RASGRF2: variants seen among roughly 807,000 people sequenced by gnomAD.
RASGRF2 encodes the protein ras-specific guanine nucleotide-releasing factor 2.
RASGRF2 carries 76 observed loss-of-function variants against 151.0 expected under a neutral mutation model. That is an observed-to-expected ratio of 0.50 (90% CI 0.42 to 0.61). The LOEUF (loss-of-function observed/expected upper bound fraction) is 0.61. Among genes scored for constraint, RASGRF2 ranks in the 20% least tolerant of loss-of-function variants. RASGRF2 has a pLI of 0.00. For missense variants in RASGRF2, 1,148 were observed against 1,564.6 expected, an observed-to-expected ratio of 0.73 and a Z score of 4.49; for synonymous variants, 504 against 566.5, an observed-to-expected ratio of 0.89 and a Z score of 1.57.
intron 1 of RASGRF2, among the ~76,000 whole-genome samples, chr5:80,978,655 C>T (rs913937872): frequency 2.0e-5 from 3 of 152,006 alleles, no homozygotes; most frequent in African/African-American, 4.8e-5. Context: ...GGCGCGATGG[C>T]GGGTGCCTGT....
In RASGRF2 at chr5:81,227,650, C is replaced by T. The variant is rs1194936925; in HGVS notation, c.*1880C>T. ...TAATATGTATCAGTTGCACCAAACACCTCAAGGTCTTGCAGAAGAAAAGTA... is the reference window on the plus strand; with the variant it reads ...TAATATGTATCAGTTGCACCAAACATCTCAAGGTCTTGCAGAAGAAAAGTA... On this transcript the variant is annotated 3_prime_UTR_variant, in exon 27 of 27. Transcript: ENST00000265080. The T allele has an allele frequency of 6.6e-6, 1 of 152,170 alleles. No individual in the cohort carries two copies. Among genetic ancestry groups the T allele is most frequent in the Non-Finnish European group, 1.5e-5 (1 of 68,046 alleles). The allele number at this position is 152,170 out of a possible 1,614,324, so 9.4% of individuals were successfully genotyped here. A position where few individuals can be genotyped will look rare whatever the true frequency, so the allele number is the denominator to read the frequency against.
intron 23 of RASGRF2, among the ~76,000 whole-genome samples, chr5:81,215,607 C>T (rs985209685): frequency 3.9e-5 from 6 of 152,120 alleles, no homozygotes; most frequent in East Asian, 1.9e-4. Flanking sequence ...GTTTTCTATC[C>T]GTTGCAGTGT....
At chr5:81,100,876 A>G (rs1319934623) in intron 12 of RASGRF2, among the ~76,000 whole-genome samples, 1 of 152,252 alleles carries the variant, frequency 6.6e-6, no homozygotes, top group Non-Finnish European at 1.5e-5. Context: ...CTTTCTTCCC[A>G]GTACTTAGAA....
rs1554042608 is a variant in RASGRF2 at position 81,209,707 on chromosome 5, CAG to C, written c.3156+1270_3156+1271del. On this transcript the variant is annotated intron_variant, in intron 22 of 26. Coordinates refer to ENST00000265080, the MANE Select transcript of RASGRF2 (RefSeq NM_006909.3). ...CTCTGTTACCTGTGGTGAACCAACA[CAG>C]GGGATATAATGGACACTCAAAGAGA... Among the ~76,000 whole-genome samples, 52 of 152,196 alleles carry C rather than the reference CAG, an allele frequency of 3.4e-4. 1 individual carries two copies. Among genetic ancestry groups the C allele is most frequent in the Admixed American group, 3.4e-3 (52 of 15,280 alleles).
At chr5:81,219,883 A>G (rs1580416689) in intron 26 of RASGRF2, 105 bp downstream of exon 26, 1 of 767,374 alleles carries the variant, frequency 1.3e-6, no homozygotes, top group East Asian at 3.0e-5. Flanking sequence ...GCTAGCTCAT[A>G]GAAAAGACCA....
In RASGRF2 at chr5:81,201,548, A is replaced by G. The variant is rs78983864; in HGVS notation, c.2906+106A>G. The stretch of plus-strand genomic sequence containing the variant: ...TAGAATCCTGGGGACAGTGGGGACT[A>G]TGTTCTCAGCAGTAAAGTGTTATGT... On this transcript the variant is annotated intron_variant, in intron 19 of 26. Coordinates refer to ENST00000265080, the MANE Select transcript of RASGRF2 (RefSeq NM_006909.3). The G allele has an allele frequency of 7.4e-3, 9,126 of 1,235,362 alleles. 57 individuals are homozygous for G. Among genetic ancestry groups the G allele is most frequent in the African/African-American group, 0.017 (1,106 of 65,900 alleles). 76.5% of individuals were successfully genotyped at this position (1,235,362 alleles called of 1,614,324 possible). A position where few individuals can be genotyped will look rare whatever the true frequency, so the allele number is the denominator to read the frequency against.
intron 1 of RASGRF2, among the ~76,000 whole-genome samples, chr5:81,032,212 C>G (rs561092042): frequency 6.6e-6 from 1 of 152,244 alleles, no homozygotes; most frequent in South Asian, 2.1e-4. Flanking sequence ...CCGAATTCTA[C>G]CAGAGGTACA....
chr5:81,032,774 A>T (rs1280085146), intron 1 of RASGRF2, among the ~76,000 whole-genome samples: 2 of 152,110 alleles, frequency 1.3e-5, no homozygotes, highest in African/African-American at 4.8e-5. Context: ...CCTATTCAAC[A>T]TAGTGTTGGA....
chr5:81,093,418 GT>G lies in RASGRF2; in HGVS notation c.1551+465del, dbSNP rs551246351. 3.8e-3 allele frequency among the ~76,000 whole-genome samples: 582 copies of G among 151,882 alleles called. 4 individuals are homozygous for G. The highest frequency in any genetic ancestry group is 0.014 in the African/African-American group (564 of 41,430). On this transcript the variant is annotated intron_variant, in intron 10 of 26. Transcript: ENST00000265080. ...TTGTTAATAAAATTTTTTGTTTTGT[GT>G]TTTTTTTGTTGAGATAGGATCTCAC... is the stretch of plus-strand genomic sequence containing the variant.
chr5:81,094,250 T>C (rs372322259), intron 10 of RASGRF2, 46 bp from the exon 11 acceptor site: 15 of 1,493,278 alleles, frequency 1.0e-5, no homozygotes, highest in Non-Finnish European at 1.4e-5. Context: ...CTTCCCAATC[T>C]ACACAAGACC....
chr5:81,013,595 TTATA>T (rs149298620), intron 1 of RASGRF2, among the ~76,000 whole-genome samples: 3 of 148,904 alleles, frequency 2.0e-5, no homozygotes, highest in African/African-American at 2.5e-5. Flanking sequence ...AATATATTTG[TTATA>T]TATATATATA....
intron 1 of RASGRF2, among the ~76,000 whole-genome samples, chr5:80,982,428 C>T (rs1018362586): frequency 1.8e-5 from 2 of 112,090 alleles, no homozygotes; most frequent in Non-Finnish European, 3.9e-5. Context: ...ATGAAAGAGC[C>T]ATGTTTAACC....
At chr5:81,222,520 T>C (rs567184431) in intron 26 of RASGRF2, among the ~76,000 whole-genome samples, 81 of 152,318 alleles carry the variant, frequency 5.3e-4, no homozygotes, top group African/African-American at 1.9e-3. Flanking sequence ...CCCACTCCAC[T>C]CTTAAGGTTG....
intron 25 of RASGRF2, 97 bp downstream of exon 25, chr5:81,217,570 T>TATC: frequency 1.9e-6 from 1 of 522,414 alleles, no homozygotes; most frequent in Non-Finnish European, 2.8e-6. Flanking sequence ...TTTTTTTTTC[T>TATC]CTTCTTTTTT....
At chr5:81,043,031 A>G in intron 2 of RASGRF2, 48 bp downstream of exon 2, 2 of 1,416,060 alleles carry the variant, frequency 1.4e-6, no homozygotes, top group African/African-American at 2.8e-5. Flanking sequence ...TGGGTCCTGC[A>G]TTGGGGTTAT....
Position 81,076,282 on chromosome 5 carries a change from GA to G in RASGRF2, c.887+2831del, listed in dbSNP as rs1751934541. ...AGGGTGGTACCTAGAGGCAAATGAA[GA>G]GGGTAAAAGAAGGATGGAGGAGAGA... On this transcript the variant is annotated intron_variant, in intron 5 of 26. Transcript: ENST00000265080. Among the ~76,000 whole-genome samples, 4 of 152,228 alleles carry G rather than the reference GA, an allele frequency of 2.6e-5. No homozygotes were observed. In the South Asian group the frequency reaches 8.3e-4, roughly 32 times the overall value.
chr5:80,977,676 C>T (rs1006956938), intron 1 of RASGRF2, among the ~76,000 whole-genome samples: 9 of 152,112 alleles, frequency 5.9e-5, no homozygotes, highest in Admixed American at 3.9e-4. Context: ...AGGCTGGTCT[C>T]GAACTACTGA....
chr5:81,055,131 C>A (rs926862681), intron 2 of RASGRF2, among the ~76,000 whole-genome samples: 8 of 152,184 alleles, frequency 5.3e-5, no homozygotes, highest in African/African-American at 1.9e-4. Context: ...TTTCTCCCAC[C>A]TGATTGCCCT....
chr5:81,210,519 G>A (rs956693277), intron 22 of RASGRF2, among the ~76,000 whole-genome samples: 4 of 152,190 alleles, frequency 2.6e-5, no homozygotes, highest in African/African-American at 9.7e-5. Flanking sequence ...TTATACACCT[G>A]TGCTCTAAAC....
Sources: allele counts gnomAD v4.1 joint callset (sites outside exome capture counted in the v4.1 genomes callset), GRCh38; gene constraint gnomAD v4.1.1; transcripts MANE v1.5; gene names NCBI Gene and HGNC (gene_info 2026-07-23, HGNC 2026-07-21).